Variants in CCDC3 observed in about 807,000 individuals in gnomAD.
CCDC3 encodes the protein coiled-coil domain-containing protein 3.
In CCDC3, 24 loss-of-function variants were observed where a neutral mutation model predicts 21.4. The ratio of observed to expected loss-of-function variants is 1.12; its 90% confidence interval spans 0.81 to 1.58. The LOEUF is 1.58. Among genes scored for constraint, CCDC3 ranks in the 40% most tolerant of loss-of-function variants. The pLI, the probability that CCDC3 is intolerant of heterozygous loss-of-function variation, is 0.00. For missense variants in CCDC3, 425 were observed against 360.9 expected (o/e 1.18, Z -1.44); for synonymous variants, 186 against 166.0 (o/e 1.12, Z -0.93).
At chr10:12,935,991 C>A (rs530570469) in intron 2 of CCDC3, among the ~76,000 whole-genome samples, 1 of 152,190 alleles carries the variant, frequency 6.6e-6, no homozygotes, top group Non-Finnish European at 1.5e-5. Flanking sequence ...TGTTGCTATT[C>A]TTTTGAACAA....
intron 2 of CCDC3, among the ~76,000 whole-genome samples, chr10:12,949,794 A>G (rs1381117270): frequency 6.6e-6 from 1 of 152,226 alleles, no homozygotes; most frequent in Non-Finnish European, 1.5e-5. Context: ...TGCCCAGAGG[A>G]AAGTGCAATC....
chr10:12,900,727 C>T (rs997941124), intron 2 of CCDC3, among the ~76,000 whole-genome samples: 2 of 151,338 alleles, frequency 1.3e-5, no homozygotes, highest in Non-Finnish European at 2.9e-5. Flanking sequence ...CATCGAGCCC[C>T]ACTATCTACA....
At position 12,981,221 on chromosome 10, in the gene CCDC3, C is replaced by T. The variant is rs1835493126; in HGVS notation, c.549+17117G>A. 7.0e-5 allele frequency among the ~76,000 whole-genome samples: 9 copies of T among 128,372 alleles called. No homozygotes were observed. In the Admixed American group the frequency reaches 8.3e-4, roughly 12 times the overall value. The allele number at this position is 128,372 out of a possible 152,430, so 84.2% of individuals were successfully genotyped here. A position where few individuals can be genotyped will look rare whatever the true frequency, so the allele number is the denominator to read the frequency against. ...TTTTGAGATGGATTCTCACAGTTGGCCAGACAGGAGTGTGGTGGCGTGATC... is the reference window on the plus strand; with the variant it reads ...TTTTGAGATGGATTCTCACAGTTGGTCAGACAGGAGTGTGGTGGCGTGATC... On this transcript the variant is annotated intron_variant, in intron 2 of 2. Transcript: ENST00000378825.
chr10:13,083,653 T>C (rs1002810328), intron 3 of CCDC3, among the ~76,000 whole-genome samples: 2 of 152,262 alleles, frequency 1.3e-5, no homozygotes, highest in African/African-American at 2.4e-5. Flanking sequence ...CTTCCTTATT[T>C]GGGAATGTTA....
In CCDC3 at chr10:13,059,656, T is replaced by C. The variant is rs576587580; in HGVS notation, c.-269-9715A>G. On this transcript the variant is annotated intron_variant, in intron 4 of 6. Transcript: ENST00000378839. ...AGGAAAAATTACTGAAGGTTTTTTT[T>C]CTGCCATTTCACTTCATGGCTATGT... is the stretch of plus-strand genomic sequence containing the variant. Among the ~76,000 whole-genome samples the C allele has an allele frequency of 7.4e-4, 113 of 152,240 alleles. 1 individual carries two copies. The highest frequency in any genetic ancestry group is 2.6e-3 in the African/African-American group (106 of 41,534).
chr10:12,901,725 C>T (rs959284504), intron 2 of CCDC3, among the ~76,000 whole-genome samples: 7 of 152,186 alleles, frequency 4.6e-5, no homozygotes, highest in African/African-American at 1.2e-4. Context: ...AACTGTTAGC[C>T]GTGATTATAG....
At chr10:12,957,964 G>C (rs149915846) in intron 2 of CCDC3, among the ~76,000 whole-genome samples, 2 of 152,214 alleles carry the variant, frequency 1.3e-5, no homozygotes, top group African/African-American at 4.8e-5. Flanking sequence ...CAAATAGGTG[G>C]AACTACAGGC....
intron 2 of CCDC3, among the ~76,000 whole-genome samples, chr10:12,951,827 A>AAAAAAAT: frequency 1.3e-5 from 2 of 150,666 alleles, no homozygotes; most frequent in African/African-American, 2.4e-5. Context: ...AAAAAAAAAA[A>AAAAAAAT]GTTGTTCTTT....
Position 12,908,883 on chromosome 10 carries a change from C to T in CCDC3, c.550-10204G>A, listed in dbSNP as rs144384799. On this transcript the variant is annotated intron_variant, in intron 2 of 2. Transcript: ENST00000378825. Reference sequence around the variant, plus strand: ...TTGGGTTTACAGGTGTGGACCACGGCGCCTGGCCAGAACTGTGATTTCTTA... The same window carrying T: ...TTGGGTTTACAGGTGTGGACCACGGTGCCTGGCCAGAACTGTGATTTCTTA... 1.7e-3 allele frequency among the ~76,000 whole-genome samples: 254 copies of T among 152,266 alleles called. 2 individuals are homozygous for T. Among genetic ancestry groups the T allele is most frequent in the African/African-American group, 5.6e-3 (234 of 41,548 alleles).
At chr10:13,031,777 C>G (rs1164831064) in intron 5 of CCDC3, among the ~76,000 whole-genome samples, 1 of 152,084 alleles carries the variant, frequency 6.6e-6, no homozygotes, top group East Asian at 1.9e-4. Flanking sequence ...TACACCCTCC[C>G]AAGACTAAAC....
At chr10:13,048,747 T>C (rs1305185487) in intron 5 of CCDC3, among the ~76,000 whole-genome samples, 2 of 151,990 alleles carry the variant, frequency 1.3e-5, no homozygotes, top group African/African-American at 2.4e-5. Context: ...CCCCTGGTCA[T>C]CAATAGTATG....
chr10:13,046,195 C>G (rs1185050802), intron 5 of CCDC3, among the ~76,000 whole-genome samples: 1 of 151,226 alleles, frequency 6.6e-6, no homozygotes, highest in Non-Finnish European at 1.5e-5. Context: ...TGCTTCAGCC[C>G]AGGAGTTAGA....
intron 2 of CCDC3, among the ~76,000 whole-genome samples, chr10:12,975,539 C>G (rs1286796500): frequency 1.3e-5 from 2 of 152,178 alleles, no homozygotes; most frequent in African/African-American, 4.8e-5. Context: ...CTGAACCACC[C>G]CTGCTCCGGT....
At chr10:12,935,646 C>T (rs971626231) in intron 2 of CCDC3, among the ~76,000 whole-genome samples, 1 of 151,740 alleles carries the variant, frequency 6.6e-6, no homozygotes, top group South Asian at 2.1e-4. Flanking sequence ...TTACAGTATA[C>T]ACATACAACC....
chr10:12,941,548 G>A (rs1309122976), intron 2 of CCDC3, among the ~76,000 whole-genome samples: 1 of 152,152 alleles, frequency 6.6e-6, no homozygotes, highest in Non-Finnish European at 1.5e-5. Flanking sequence ...AATGTTGCAT[G>A]TATATTAATG....
At chr10:12,946,030 T>G (rs1391379388) in intron 2 of CCDC3, among the ~76,000 whole-genome samples, 5 of 152,236 alleles carry the variant, frequency 3.3e-5, no homozygotes, top group Admixed American at 3.3e-4. Context: ...AGTCTGTTAG[T>G]ACTATCCTCC....
chr10:13,011,121 C>A (rs1333379655), intron 5 of CCDC3, among the ~76,000 whole-genome samples: 1 of 148,432 alleles, frequency 6.7e-6, no homozygotes, highest in African/African-American at 2.5e-5. Flanking sequence ...GCAGAAGTTG[C>A]AGTGAGTTGA....
intron 4 of CCDC3, among the ~76,000 whole-genome samples, chr10:13,051,952 G>A (rs1307912662): frequency 6.6e-6 from 1 of 152,138 alleles, no homozygotes; most frequent in African/African-American, 2.4e-5. Context: ...GATGACAGAG[G>A]ACTCCTCTCC....
intron 2 of CCDC3, chr10:12,924,869 G>A (rs1589007888): frequency 6.6e-6 from 1 of 152,230 alleles, no homozygotes; most frequent in South Asian, 2.1e-4. Flanking sequence ...TGGGTCTCAT[G>A]AGCTTGAGGG....
Sources: allele counts gnomAD v4.1 joint callset (sites outside exome capture counted in the v4.1 genomes callset), GRCh38; gene constraint gnomAD v4.1.1; transcripts MANE v1.5; gene names NCBI Gene and HGNC (gene_info 2026-07-23, HGNC 2026-07-21).